The following TBX3 variants were observed in gnomAD, a reference collection of about 807,000 sequenced individuals.
TBX3 encodes the protein T-box transcription factor TBX3.
Under a neutral mutation model 47.8 loss-of-function variants are expected in TBX3, and 11 were observed. The ratio of observed to expected loss-of-function variants is 0.23; its 90% CI spans 0.14 to 0.38. The LOEUF is 0.38. Among genes scored for constraint, TBX3 ranks in the 10% least tolerant of loss-of-function variants. TBX3 has a pLI of 1.00. For missense variants in TBX3, 927 were observed against 1,022.8 expected (o/e 0.91, Z 1.28); for synonymous variants, 500 against 449.3 (o/e 1.11, Z -1.43).
rs540324303 is a variant in TBX3, at chr12:114,676,124, T to G, written c.1039+189A>C. On this transcript the variant is annotated intron_variant, in intron 5 of 6. Coordinates refer to ENST00000349155, the MANE Select transcript of TBX3 (RefSeq NM_005996.4). ...GGGAGAAAGGCCTCTGTGCTCTCCT[T>G]CTACTGCCTTAGCGGGGAAGGGGAG... 2.6e-5 allele frequency among the ~76,000 whole-genome samples: 4 copies of G among 152,314 alleles called. No individual in the cohort carries two copies. The East Asian group carries it at 7.7e-4, about 29-fold the overall frequency.
In TBX3 at chr12:114,671,300, G is replaced by A. The variant is rs1165720250; in HGVS notation, c.*541C>T. ...TCTTAATATAGACTAAACAAGGATG[G>A]TAGGGACTTCCCTCCCCAAACAAAG... On this transcript the variant is annotated 3_prime_UTR_variant, in exon 7 of 7. Coordinates refer to ENST00000349155, the MANE Select transcript of TBX3 (RefSeq NM_005996.4). The A allele has an allele frequency of 4.2e-6, 1 of 239,726 alleles. No homozygotes were observed. Among genetic ancestry groups the A allele is most frequent in the African/African-American group, 2.2e-5 (1 of 45,292 alleles). The allele number at this position is 239,726 out of a possible 1,614,324, so 14.8% of individuals were successfully genotyped here. A position where few individuals can be genotyped will look rare whatever the true frequency, so the allele number is the denominator to read the frequency against.
chr12:114,680,576 A>T (rs1868885015), intron 2 of TBX3: 1 of 499,606 alleles, frequency 2.0e-6, no homozygotes, highest in African/African-American at 1.9e-5. Flanking sequence ...CATAGCCTTG[A>T]AATTGATTTT....
At position 114,678,020 on chromosome 12, in the gene TBX3, TCACACACACACA is replaced by T. The variant is rs3068592; in HGVS notation, c.805-376_805-365del. On this transcript the variant is annotated intron_variant, in intron 3 of 6. Coordinates refer to ENST00000349155, the MANE Select transcript of TBX3 (RefSeq NM_005996.4). ...AATCATAAATTATAGCATACTCCCT[TCACACACACACA>T]CACACACACACACACACACACACAC... 7.4e-4 allele frequency among the ~76,000 whole-genome samples: 107 copies of T among 144,250 alleles called. 2 individuals carry two copies. In the South Asian group the frequency reaches 0.02, roughly 27 times the overall value. The allele number at this position is 144,250 out of a possible 152,430, so 94.6% of individuals were successfully genotyped here.
rs1868369597 is a variant in TBX3 at position 114,670,540 on chromosome 12, G to A, written c.*1301C>T. ...AAAAGAAAAATTAAAAAGTCAAACC[G>A]CAGCCTCTGCCCTCCTCCCTCCCCA... is the stretch of plus-strand genomic sequence containing the variant. On this transcript the variant is annotated 3_prime_UTR_variant, in exon 7 of 7. Coordinates refer to ENST00000349155, the MANE Select transcript of TBX3 (RefSeq NM_005996.4). 4.4e-6 allele frequency: 1 copy of A among 225,926 alleles called. No individual in the cohort carries two copies. The highest frequency in any genetic ancestry group is 8.8e-6 in the Non-Finnish European group (1 of 113,398). 14.0% of individuals were successfully genotyped at this position (225,926 alleles called of 1,614,324 possible).
chr12:114,680,863 G>A lies in TBX3; in HGVS notation c.657+16C>T. 1 of 1,614,140 alleles carries A rather than the reference G, an allele frequency of 6.2e-7. No homozygotes were observed. Among genetic ancestry groups the A allele is most frequent in the South Asian group, 1.1e-5 (1 of 91,070 alleles). On this transcript the variant is annotated intron_variant, in intron 2 of 6. Transcript: ENST00000349155. ...AAGGAGGAGAAAATTTTACTGAAGA[G>A]AGCAATGAAACTTACAAATCCATGT...
chr12:114,683,403 G>C lies in TBX3; in HGVS notation c.-203C>G. 1.5e-6 allele frequency: 1 copy of C among 689,238 alleles called. No homozygotes were observed. Among genetic ancestry groups the C allele is most frequent in the South Asian group, 2.2e-5 (1 of 44,746 alleles). 42.7% of individuals were successfully genotyped at this position (689,238 alleles called of 1,614,324 possible). The stretch of plus-strand genomic sequence containing the variant: ...GGAGGGGAAGTGTCTTTTGGAGAAT[G>C]GGAGGCCGCTTTTAAAGAGGGCAAG... On this transcript the variant is annotated 5_prime_UTR_variant, in exon 1 of 7. Transcript: ENST00000349155. The surrounding 1 kb of genome is among the most constrained non-coding windows in gnomAD (Gnocchi z 7.7).
intron 5 of TBX3, 23 bp from the exon 6 acceptor site, chr12:114,674,858 C>A (rs1220981318): frequency 3.2e-6 from 5 of 1,554,934 alleles, no homozygotes; most frequent in East Asian, 4.6e-5. Context: ...AAGGAAAAAA[C>A]CAAGGCAGAA....
At position 114,683,762 on chromosome 12, in the gene TBX3, C is replaced by T. The variant is rs1592852533; in HGVS notation, c.-562G>A. 1 of 229,666 alleles carries T rather than the reference C, an allele frequency of 4.4e-6. No individual in the cohort carries two copies. The highest frequency in any genetic ancestry group is 6.1e-5 in the East Asian group (1 of 16,306). The allele number at this position is 229,666 out of a possible 1,614,324, so 14.2% of individuals were successfully genotyped here. ...TGCTAGACCCGGCTTTAACAGGGAGCGAGAGAGCGGAAAAAGTCTCTCTCC... is the reference window on the plus strand; with the variant it reads ...TGCTAGACCCGGCTTTAACAGGGAGTGAGAGAGCGGAAAAAGTCTCTCTCC... On this transcript the variant is annotated 5_prime_UTR_variant, in exon 1 of 7. Coordinates refer to ENST00000349155, the MANE Select transcript of TBX3 (RefSeq NM_005996.4). The surrounding 1 kb of genome is among the most constrained non-coding windows in gnomAD (Gnocchi z 7.7).
At chr12:114,673,276 G>A (rs1159997982) in intron 6 of TBX3, among the ~76,000 whole-genome samples, 1 of 152,214 alleles carries the variant, frequency 6.6e-6, no homozygotes, top group Non-Finnish European at 1.5e-5. Context: ...TCTTGGCGCA[G>A]GGAAGGGAGA....
Position 114,676,193 on chromosome 12 carries a change from ATG to A in TBX3, c.1039+118_1039+119del, listed in dbSNP as rs1416939986. 4 of 1,299,042 alleles carry A rather than the reference ATG, an allele frequency of 3.1e-6. No individual in the cohort carries two copies. In the Admixed American group the frequency reaches 6.1e-5, roughly 20 times the overall value. 80.5% of individuals were successfully genotyped at this position (1,299,042 alleles called of 1,614,324 possible). On this transcript the variant is annotated intron_variant, in intron 5 of 6. Transcript: ENST00000349155. ...TTTGAACTCTGGCTTCTGTTTAAGG[ATG>A]TTTAGAAGGCTTCTAGCTTTTAAAG...
Position 114,671,904 on chromosome 12 carries a change from G to A in TBX3, c.2109C>T (p.Ser703=), listed in dbSNP as rs775594501. ...CCAAGCCGCTAACCAACCGCTGGAT[G>A]CTCTGCAGTTCGCTGGTGGCCGCCT... ...EKEAATSELQ[S]IQRLVSGLEA... The change falls in exon 7 of 7, where the codon AGC becomes AGT. Residue 703 remains serine (S), a synonymous_variant. Transcript: ENST00000349155. 16 of 1,581,542 alleles carry A rather than the reference G, an allele frequency of 1.0e-5. No individual in the cohort carries two copies. Among genetic ancestry groups the A allele is most frequent in the African/African-American group, 1.3e-5 (1 of 74,276 alleles).
rs1018135320 is a variant in TBX3 at position 114,674,478 on chromosome 12, G to A, written c.1397C>T (p.Thr466Met). The change falls in exon 6 of 7, where the codon ACG (threonine) becomes ATG (methionine). Residue 466 changes from threonine (T) to methionine (M), a missense_variant. Coordinates refer to ENST00000349155, the MANE Select transcript of TBX3 (RefSeq NM_005996.4). ...KEAFAPLTVQ[T>M]DAAAAHLAQG... Reference sequence around the variant, plus strand: ...GGCCAGGTGCGCGGCGGCCGCGTCCGTCTGCACCGTGAGCGGCGCGAAGGC... The same window carrying A: ...GGCCAGGTGCGCGGCGGCCGCGTCCATCTGCACCGTGAGCGGCGCGAAGGC... 8 of 1,534,506 alleles carry A rather than the reference G, an allele frequency of 5.2e-6. No homozygotes were observed. The highest frequency in any genetic ancestry group is 2.8e-5 in the African/African-American group (2 of 72,190).
In TBX3 at chr12:114,674,515, G is replaced by C; in HGVS notation, c.1360C>G (p.Pro454Ala). ...PAKVEEARAL[P>A]GKEAFAPLTV... ...AGCGGCGCGAAGGCCTCCTTGCCCG[G>C]GAGCGCGCGCGCCTCTTCCACCTTG... Residue 454 changes from proline (P) to alanine (A), a missense_variant, in exon 6 of 7, where the codon CCG becomes GCG. Pro to Ala is a conservative substitution (Grantham distance 27, BLOSUM62 -1). Around this residue, in one of 5 missense-constraint regions of TBX3, gnomAD observed 623 missense variants for 569.0 expected, o/e 1.09. Transcript: ENST00000349155. 6.6e-7 allele frequency: 1 copy of C among 1,510,866 alleles called. No homozygotes were observed. Among genetic ancestry groups the C allele is most frequent in the Non-Finnish European group, 8.8e-7 (1 of 1,133,998 alleles). The allele number at this position is 1,510,866 out of a possible 1,614,324, so 93.6% of individuals were successfully genotyped here.
intron 4 of TBX3, among the ~76,000 whole-genome samples, chr12:114,677,172 G>A (rs1333000320): frequency 6.6e-6 from 1 of 152,202 alleles, no homozygotes; most frequent in East Asian, 1.9e-4. Flanking sequence ...GAGGGAGAGA[G>A]CCATACATCT....
chr12:114,682,285 G>T (rs544338725), intron 1 of TBX3, among the ~76,000 whole-genome samples: 3 of 152,132 alleles, frequency 2.0e-5, no homozygotes, highest in African/African-American at 7.2e-5. Flanking sequence ...AAACCAAAAT[G>T]CCCTTCGATT....
intron 2 of TBX3, chr12:114,680,330 C>CA (rs1405753353): frequency 1.5e-5 from 5 of 330,812 alleles, no homozygotes; most frequent in Admixed American, 4.6e-5. Flanking sequence ...TCCATATATA[C>CA]ACTCCCAACA....
intron 5 of TBX3, among the ~76,000 whole-genome samples, chr12:114,675,633 AGTGTGTGTGTGTGTGT>A (rs3068612): frequency 0.02 from 3,021 of 149,836 alleles, 50 homozygotes; most frequent in Non-Finnish European, 0.026. Context: ...TCCCGTTGAG[AGTGTGTGTGTGTGTGT>A]GTGTGTGTGT....
rs1175231318 is a variant in TBX3, at chr12:114,671,086, T to TAAATC, written c.*750_*754dup. On this transcript the variant is annotated 3_prime_UTR_variant, in exon 7 of 7. Coordinates refer to ENST00000349155, the MANE Select transcript of TBX3 (RefSeq NM_005996.4). ...ATGTGTTTTGCCCACTCCTTCCCTTTAAATCCCCCCCTCCCTTGGGTCACT... is the reference window on the plus strand; with the variant it reads ...ATGTGTTTTGCCCACTCCTTCCCTTTAAATCAAATCCCCCCCTCCCTTGGGTCACT... 6 of 209,476 alleles carry TAAATC rather than the reference T, an allele frequency of 2.9e-5. No individual in the cohort carries two copies. Among genetic ancestry groups the TAAATC allele is most frequent in the Non-Finnish European group, 3.9e-5 (4 of 103,100 alleles). 13.0% of individuals were successfully genotyped at this position (209,476 alleles called of 1,614,324 possible). A position where few individuals can be genotyped will look rare whatever the true frequency, so the allele number is the denominator to read the frequency against.
rs528599427 is a variant in TBX3, at chr12:114,672,916, A to G, written c.1711-614T>C. Among the ~76,000 whole-genome samples, 15 of 152,328 alleles carry G rather than the reference A, an allele frequency of 9.8e-5. No individual in the cohort carries two copies. In the East Asian group the frequency reaches 2.9e-3, roughly 29 times the overall value. ...GAAACTGGGGCTGGGGGAGGGAAAA[A>G]GGGCATTTGTTATAAACAGAGACAA... On this transcript the variant is annotated intron_variant, in intron 6 of 6. Transcript: ENST00000349155.
Sources: allele counts gnomAD v4.1 joint callset (sites outside exome capture counted in the v4.1 genomes callset), GRCh38; gene constraint gnomAD v4.1.1; regional missense constraint gnomAD v4.1.1; non-coding constraint Gnocchi (gnomAD v3.1); transcripts MANE v1.5; gene names NCBI Gene and HGNC (gene_info 2026-07-23, HGNC 2026-07-21).